ARHGEF4: variants seen among roughly 807,000 people sequenced by gnomAD.
The protein encoded by ARHGEF4 is Rho guanine nucleotide exchange factor 4.
ARHGEF4 carries 119 observed loss-of-function variants against 162.0 expected under a neutral mutation model. That is an observed-to-expected ratio of 0.73 (90% CI 0.63 to 0.86). ARHGEF4 has a LOEUF of 0.86. Ranked by LOEUF, ARHGEF4 falls within the 40% of genes least tolerant of loss-of-function variation. The probability of loss-of-function intolerance (pLI) is 0.00; values close to 1 mark genes in which losing one functional copy is unlikely to be tolerated. For synonymous variants in ARHGEF4, 1,014 were observed against 979.9 expected (o/e 1.03, Z -0.65); for missense variants, 2,488 against 2,456.0 (o/e 1.01, Z -0.28).
At chr2:130,991,902 G>C (rs1687013119) in intron 4 of ARHGEF4, among the ~76,000 whole-genome samples, 2 of 152,242 alleles carry the variant, frequency 1.3e-5, no homozygotes, top group Admixed American at 1.3e-4. Context: ...AAGCCAGCTG[G>C]GCTCCCGAGT....
rs1297735574 is a variant in ARHGEF4 at position 130,914,574 on chromosome 2, A to G, written c.628A>G (p.Ser210Gly). 1 of 1,395,856 alleles carries G rather than the reference A, an allele frequency of 7.2e-7. No homozygotes were observed. Among genetic ancestry groups the G allele is most frequent in the African/African-American group, 1.4e-5 (1 of 69,104 alleles). 86.5% of individuals were successfully genotyped at this position (1,395,856 alleles called of 1,614,324 possible). The change falls in exon 2 of 14, where the codon AGT (serine) becomes GGT (glycine). Residue 210 changes from serine (S) to glycine (G), a missense_variant. Ser to Gly is a moderately conservative substitution (Grantham distance 56). Transcript: ENST00000409359. ...TGTTCAAGACCTCAGAGGGCTCTCC[A>G]GTGTTTCTCTTCAGAAATCCAGGTC... ...VAVQDLRGLS[S>G]VSLQKSRSES...
chr2:131,004,968 C>T (rs970810433), intron 4 of ARHGEF4, among the ~76,000 whole-genome samples: 12 of 152,164 alleles, frequency 7.9e-5, no homozygotes, highest in Admixed American at 7.2e-4. Flanking sequence ...GTGGGGAAAG[C>T]TTGTGGTTGG....
intron 5 of ARHGEF4, chr2:131,035,120 G>A (rs1458386518): frequency 4.3e-6 from 5 of 1,156,302 alleles, no homozygotes; most frequent in Non-Finnish European, 5.3e-6. Context: ...CCCCGGCGCG[G>A]CCCCGCGGCG....
rs1680236607 is a variant in ARHGEF4 at position 130,836,959 on chromosome 2, C to T, written c.6C>T (p.Leu2=). 1.6e-6 allele frequency: 2 copies of T among 1,226,386 alleles called. No homozygotes were observed. Among genetic ancestry groups the T allele is most frequent in the African/African-American group, 1.6e-5 (1 of 64,064 alleles). 76.0% of individuals were successfully genotyped at this position (1,226,386 alleles called of 1,614,324 possible). A position where few individuals can be genotyped will look rare whatever the true frequency, so the allele number is the denominator to read the frequency against. The change falls in exon 1 of 14, where the codon CTC becomes CTT. Residue 2 remains leucine, a synonymous_variant. Transcript: ENST00000409359. ...CGGGCGTCCCGGCGGCCACCATGCT[C>T]AGCGTCGTGCACTTCCTCCGGAGCT... M[L]SVVHFLRSFF... is the part of the protein sequence containing the mutation.
chr2:130,842,051 ATG>A (rs1425734834), intron 1 of ARHGEF4, among the ~76,000 whole-genome samples: 2 of 152,148 alleles, frequency 1.3e-5, no homozygotes, highest in African/African-American at 4.8e-5. Flanking sequence ...TCTCTGAAGT[ATG>A]TGTCTTTTCC....
At chr2:131,007,481 ATAT>A (rs1179345842) in intron 4 of ARHGEF4, among the ~76,000 whole-genome samples, 3 of 152,256 alleles carry the variant, frequency 2.0e-5, no homozygotes, top group African/African-American at 7.2e-5. Context: ...TTCTTCACAG[ATAT>A]TATTTTAAAA....
intron 4 of ARHGEF4, among the ~76,000 whole-genome samples, chr2:130,966,780 A>C (rs764972516): frequency 3.3e-5 from 5 of 152,240 alleles, no homozygotes; most frequent in Admixed American, 2.0e-4. Context: ...CCTATTTGCA[A>C]AGCAAAGAAA....
Position 131,028,661 on chromosome 2 carries a change from A to T in ARHGEF4, c.4125+577A>T, listed in dbSNP as rs187907826. ...GTTCTCCCTTTGCATTCCCAATAAG[A>T]GAGGAATCGTGATGCTTTAACGCCC... On this transcript the variant is annotated intron_variant, in intron 5 of 13. Coordinates refer to ENST00000409359, the MANE Select transcript of ARHGEF4 (RefSeq NM_001367493.1). 2.1e-4 allele frequency among the ~76,000 whole-genome samples: 32 copies of T among 152,296 alleles called. 1 individual carries two copies. In the East Asian group the frequency reaches 5.8e-3, roughly 28 times the overall value.
chr2:131,005,836 G>T (rs1688085543), intron 4 of ARHGEF4, among the ~76,000 whole-genome samples: 1 of 152,166 alleles, frequency 6.6e-6, no homozygotes, highest in South Asian at 2.1e-4. Flanking sequence ...GAATTCTCAG[G>T]ATGCTCCCAA....
intron 1 of ARHGEF4, among the ~76,000 whole-genome samples, chr2:130,839,810 G>A (rs922788319): frequency 6.6e-6 from 1 of 152,272 alleles, no homozygotes; most frequent in Admixed American, 6.5e-5. Context: ...CTGCCTGCCT[G>A]GAGCCGTCAC....
intron 1 of ARHGEF4, among the ~76,000 whole-genome samples, chr2:130,853,028 G>A (rs11904313): frequency 5.3e-5 from 8 of 152,142 alleles, no homozygotes; most frequent in Admixed American, 1.3e-4. Flanking sequence ...TGCTCCCATC[G>A]AGGGTCAGCA....
chr2:131,002,826 C>T (rs747944549), intron 4 of ARHGEF4, among the ~76,000 whole-genome samples: 3 of 148,588 alleles, frequency 2.0e-5, no homozygotes, highest in Non-Finnish European at 3.0e-5. Context: ...TCTGAATGAA[C>T]TGTTGGTCGG....
intron 4 of ARHGEF4, among the ~76,000 whole-genome samples, chr2:130,985,808 T>G (rs1395556851): frequency 6.6e-6 from 1 of 151,994 alleles, no homozygotes; most frequent in Non-Finnish European, 1.5e-5. Flanking sequence ...GTGCATGTTT[T>G]TTGTTGTGTA....
chr2:130,920,816 A>G (rs1297178404), intron 2 of ARHGEF4, among the ~76,000 whole-genome samples: 1 of 152,210 alleles, frequency 6.6e-6, no homozygotes, highest in African/African-American at 2.4e-5. Context: ...AGCTGTGATA[A>G]TATCGTGTAT....
chr2:130,873,523 G>A (rs1678626047), intron 1 of ARHGEF4, among the ~76,000 whole-genome samples: 1 of 144,272 alleles, frequency 6.9e-6, no homozygotes, highest in Non-Finnish European at 1.5e-5. Flanking sequence ...TGGGAAGCAG[G>A]TTGCAGTGAG....
At chr2:130,932,500 C>T (rs4850311) in intron 3 of ARHGEF4, among the ~76,000 whole-genome samples, 87,659 of 152,136 alleles carry the variant, frequency 0.58, 29,658 homozygotes, top group East Asian at 0.84. Context: ...TGAGCCACCG[C>T]GCCTGGCCTG....
intron 2 of ARHGEF4, among the ~76,000 whole-genome samples, chr2:130,922,923 G>GATATATATATATATATAT: frequency 6.9e-6 from 1 of 145,570 alleles, no homozygotes; most frequent in African/African-American, 2.5e-5. Flanking sequence ...CCTCTTTAAT[G>GATATATATATATATATAT]ATATATATAT....
intron 4 of ARHGEF4, chr2:130,946,855 C>T (rs1384544845): frequency 2.1e-5 from 10 of 481,472 alleles, no homozygotes; most frequent in Non-Finnish European, 3.5e-5. Context: ...GTAATCCCAG[C>T]ACTTTGAGAG....
chr2:130,873,244 C>G (rs1025021616), intron 1 of ARHGEF4, among the ~76,000 whole-genome samples: 9 of 152,166 alleles, frequency 5.9e-5, no homozygotes, highest in Admixed American at 5.2e-4. Flanking sequence ...TAAGGCTGGC[C>G]TGTGGCAAAG....
Sources: allele counts gnomAD v4.1 joint callset (sites outside exome capture counted in the v4.1 genomes callset), GRCh38; gene constraint gnomAD v4.1.1; transcripts MANE v1.5; gene names NCBI Gene and HGNC (gene_info 2026-07-23, HGNC 2026-07-21).